MICU3: variants seen among roughly 807,000 people sequenced by gnomAD.
MICU3 encodes the protein mitochondrial calcium uptake 3.
Under a neutral mutation model 66.5 loss-of-function variants are expected in MICU3, and 62 were observed. That is an observed-to-expected ratio of 0.93 (90% CI 0.76 to 1.15). MICU3 has a LOEUF of 1.15. MICU3 is among the 50% of genes most tolerant of loss of function. The pLI, the probability that MICU3 is intolerant of heterozygous loss-of-function variation, is 0.00. For missense variants in MICU3, 779 were observed against 664.4 expected, an observed-to-expected ratio of 1.17 and a Z score of -1.90; for synonymous variants, 308 against 240.7, an observed-to-expected ratio of 1.28 and a Z score of -2.59.
At chr8:17,087,153 G>A (rs544279657) in intron 7 of MICU3, 118 bp downstream of exon 7, 13 of 682,010 alleles carry the variant, frequency 1.9e-5, no homozygotes, top group Non-Finnish European at 3.1e-5. Context: ...TGAAAACTTT[G>A]TAAAGTTTTT....
chr8:17,083,237 T>C (rs1200020446), intron 5 of MICU3, among the ~76,000 whole-genome samples: 1 of 152,038 alleles, frequency 6.6e-6, no homozygotes, highest in African/African-American at 2.4e-5. Flanking sequence ...CTCTGTGTAG[T>C]GACAGCTGAT....
chr8:17,118,195 CTT>C (rs978720202), intron 13 of MICU3, among the ~76,000 whole-genome samples: 9 of 152,224 alleles, frequency 5.9e-5, no homozygotes, highest in South Asian at 2.1e-4. Context: ...GTACTGCTCT[CTT>C]AAGTGTTATG....
At chr8:17,067,261 G>A (rs1818866880) in intron 2 of MICU3, among the ~76,000 whole-genome samples, 1 of 151,874 alleles carries the variant, frequency 6.6e-6, no homozygotes, top group Admixed American at 6.6e-5. Context: ...GCATTTACTG[G>A]CTTTGAAAAC....
At chr8:17,068,184 G>A (rs4145471) in intron 2 of MICU3, among the ~76,000 whole-genome samples, 22,611 of 152,032 alleles carry the variant, frequency 0.15, 2,242 homozygotes, top group East Asian at 0.38. Flanking sequence ...ATATTTATAT[G>A]TGCAGTAACT....
At chr8:17,090,506 A>C (rs758390550) in intron 7 of MICU3, 40 bp from the exon 8 acceptor site, 1 of 1,587,376 alleles carries the variant, frequency 6.3e-7, no homozygotes, top group East Asian at 2.2e-5. Flanking sequence ...GTTCATTCTG[A>C]AATATGACAC....
chr8:17,091,402 G>A (rs1800040233), intron 8 of MICU3, among the ~76,000 whole-genome samples: 1 of 152,016 alleles, frequency 6.6e-6, no homozygotes, highest in African/African-American at 2.4e-5. Flanking sequence ...TTCCACCATA[G>A]GAGCCCTTGA....
chr8:17,081,620 G>T, intron 4 of MICU3, 73 bp from the exon 5 acceptor site: 1 of 414,322 alleles, frequency 2.4e-6, no homozygotes. Flanking sequence ...TAAACTACAA[G>T]CTCATTATTT....
At chr8:17,123,194 G>T (rs1803304992), downstream of MICU3, among the ~76,000 whole-genome samples, 1 of 152,030 alleles carries the variant, frequency 6.6e-6, no homozygotes, top group Non-Finnish European at 1.5e-5. Context: ...GGTACACCTT[G>T]CAATGTTGCA....
At chr8:17,103,746 C>T (rs888507879) in intron 9 of MICU3, among the ~76,000 whole-genome samples, 13 of 151,822 alleles carry the variant, frequency 8.6e-5, no homozygotes, top group Non-Finnish European at 1.2e-4. Context: ...AGCAAAAATC[C>T]TCTGGAATTA....
At position 17,063,803 on chromosome 8, in the gene MICU3, A is replaced by G. The variant is rs1386921667; in HGVS notation, c.382-281A>G. 2.6e-5 allele frequency among the ~76,000 whole-genome samples: 4 copies of G among 152,172 alleles called. No individual in the cohort carries two copies. In the East Asian group the frequency reaches 7.7e-4, roughly 29 times the overall value. The stretch of plus-strand genomic sequence containing the variant: ...ATAATTTAATGTTCTTTAAGACTGA[A>G]GCTTAAGAAATAAACCAAAAAAAAA... On this transcript the variant is annotated intron_variant, in intron 1 of 14. Transcript: ENST00000318063.
chr8:17,067,031 A>AT (rs1818834318), intron 2 of MICU3, among the ~76,000 whole-genome samples: 1 of 152,214 alleles, frequency 6.6e-6, no homozygotes, highest in South Asian at 2.1e-4. Flanking sequence ...TAGAAAAGTT[A>AT]TACAGGATAT....
intron 5 of MICU3, chr8:17,081,971 T>TA (rs1821251196): frequency 3.1e-6 from 1 of 318,036 alleles, no homozygotes; most frequent in Admixed American, 5.2e-5. Context: ...AATTTAATAT[T>TA]ACGTGTCAAT....
At chr8:17,137,538 AG>A in the MICU3 span, among the ~76,000 whole-genome samples, 2 of 139,268 alleles carry the variant, frequency 1.4e-5, no homozygotes, top group South Asian at 2.3e-4. Context: ...AAAAAAAAAA[AG>A]GGGGCCCTGT....
chr8:17,100,556 C>G (rs890281000), intron 9 of MICU3, among the ~76,000 whole-genome samples: 21 of 151,586 alleles, frequency 1.4e-4, no homozygotes, highest in Admixed American at 6.6e-4. Context: ...TTTCAGGATT[C>G]AAATTGGTTC....
chr8:17,051,500 G>T (rs991225369), intron 1 of MICU3, among the ~76,000 whole-genome samples: 6 of 152,198 alleles, frequency 3.9e-5, no homozygotes, highest in Admixed American at 6.5e-5. Context: ...GGTAATTGTA[G>T]ATTTAAAAGA....
At chr8:17,095,230 TC>T (rs1440456412) in intron 8 of MICU3, among the ~76,000 whole-genome samples, 1 of 152,010 alleles carries the variant, frequency 6.6e-6, no homozygotes, top group African/African-American at 2.4e-5. Flanking sequence ...TGGCTTATGT[TC>T]TTTTGTCTTT....
chr8:17,078,166 A>C (rs1820660810), intron 4 of MICU3, among the ~76,000 whole-genome samples: 1 of 152,008 alleles, frequency 6.6e-6, no homozygotes, highest in Non-Finnish European at 1.5e-5. Flanking sequence ...CATATCAAAA[A>C]GTATATTTTA....
downstream of MICU3, among the ~76,000 whole-genome samples, chr8:17,127,242 T>C (rs987898280): frequency 2.0e-5 from 3 of 152,214 alleles, no homozygotes; most frequent in Admixed American, 1.3e-4. Flanking sequence ...TCTTTGGTGC[T>C]AAGAGTTTCT....
At chr8:17,099,908 T>C (rs1801110970) in intron 9 of MICU3, among the ~76,000 whole-genome samples, 1 of 151,776 alleles carries the variant, frequency 6.6e-6, no homozygotes, top group Non-Finnish European at 1.5e-5. Flanking sequence ...CATTCTCAGT[T>C]AGACAAAATC....
Sources: allele counts gnomAD v4.1 joint callset (sites outside exome capture counted in the v4.1 genomes callset), GRCh38; gene constraint gnomAD v4.1.1; transcripts MANE v1.5; gene names NCBI Gene and HGNC (gene_info 2026-07-23, HGNC 2026-07-21).